SLC29A4: variants seen among roughly 807,000 people sequenced by gnomAD.
The protein encoded by SLC29A4 is solute carrier family 29 member 4, also known as equilibrative nucleoside transporter 4.
Under a neutral mutation model 43.9 loss-of-function variants are expected in SLC29A4, and 36 were observed. The ratio of observed to expected loss-of-function variants is 0.82; its 90% CI spans 0.63 to 1.08. The LOEUF is 1.08. Among genes scored for constraint, SLC29A4 ranks in the 50% least tolerant of loss-of-function variants. SLC29A4 has a pLI of 0.00. For synonymous variants in SLC29A4, 491 were observed against 338.0 expected, an observed-to-expected ratio of 1.45 and a Z score of -4.97; for missense variants, 869 against 755.3, an observed-to-expected ratio of 1.15 and a Z score of -1.77.
intron 7 of SLC29A4, 148 bp from the exon 8 acceptor site, chr7:5,298,840 G>GT (rs2128091631): frequency 1.2e-6 from 1 of 804,436 alleles, no homozygotes; most frequent in South Asian, 1.8e-5. Flanking sequence ...CCTTGATAAA[G>GT]TGGAGGAGGG....
intron 1 of SLC29A4, among the ~76,000 whole-genome samples, chr7:5,287,207 G>T (rs553133729): frequency 6.6e-6 from 1 of 152,314 alleles, no homozygotes; most frequent in South Asian, 2.1e-4. Flanking sequence ...AGGAGTTGGA[G>T]TTGGAGACCA....
Position 5,303,886 on chromosome 7 carries a change from G to A in SLC29A4, c.*947G>A, listed in dbSNP as rs1313263744. 1 of 152,236 alleles carries A rather than the reference G, an allele frequency of 6.6e-6. No individual in the cohort carries two copies. Among genetic ancestry groups the A allele is most frequent in the African/African-American group, 2.4e-5 (1 of 41,446 alleles). 9.4% of individuals were successfully genotyped at this position (152,236 alleles called of 1,614,324 possible). A position where few individuals can be genotyped will look rare whatever the true frequency, so the allele number is the denominator to read the frequency against. On this transcript the variant is annotated 3_prime_UTR_variant, in exon 11 of 11. Coordinates refer to ENST00000396872, the MANE Select transcript of SLC29A4 (RefSeq NM_153247.4). ...CCGTGTGGGTGGCACCCTGAGGTCA[G>A]GGGATCCTAAGGGTGTCCTTCCAGA...
At position 5,302,811 on chromosome 7, in the gene SLC29A4, G is replaced by A. The variant is rs780981173; in HGVS notation, c.1465G>A (p.Val489Met). The A allele has an allele frequency of 1.2e-5, 18 of 1,562,098 alleles. No homozygotes were observed. Among genetic ancestry groups the A allele is most frequent in the Admixed American group, 3.8e-5 (2 of 52,608 alleles). ...QRELAGNTMTVSYMSGLTLGS... is the reference protein window; with the variant it reads ...QRELAGNTMTMSYMSGLTLGS... Reference sequence around the variant, plus strand: ...GTTGTCCACAGGGAACACCATGACCGTGTCCTACATGTCAGGGCTGACGCT... The same window carrying A: ...GTTGTCCACAGGGAACACCATGACCATGTCCTACATGTCAGGGCTGACGCT... Residue 489 changes from valine (V) to methionine (M), a missense_variant, in exon 11 of 11, where the codon GTG becomes ATG. Coordinates refer to ENST00000396872, the MANE Select transcript of SLC29A4 (RefSeq NM_153247.4).
At chr7:5,285,599 G>T (rs1369512423) in intron 1 of SLC29A4, among the ~76,000 whole-genome samples, 1 of 152,216 alleles carries the variant, frequency 6.6e-6, no homozygotes, top group Non-Finnish European at 1.5e-5. Flanking sequence ...CTTGGTAACT[G>T]ATCATGAAAA....
In SLC29A4 at chr7:5,304,001, C is replaced by T. The variant is rs777312375; in HGVS notation, c.*1062C>T. On this transcript the variant is annotated 3_prime_UTR_variant, in exon 11 of 11. Coordinates refer to ENST00000396872, the MANE Select transcript of SLC29A4 (RefSeq NM_153247.4). ...TGTTTCACCCCTGCTGTGTCCCATC[C>T]CCCGTCTGTCCACTAACTGTACCGC... is the stretch of plus-strand genomic sequence containing the variant. 5.9e-5 allele frequency: 9 copies of T among 152,360 alleles called. No individual in the cohort carries two copies. Among genetic ancestry groups the T allele is most frequent in the Non-Finnish European group, 1.2e-4 (8 of 68,118 alleles). 9.4% of individuals were successfully genotyped at this position (152,360 alleles called of 1,614,324 possible).
Position 5,290,883 on chromosome 7 carries a change from C to A in SLC29A4, c.301+20C>A, listed in dbSNP as rs755975895. The A allele has an allele frequency of 1.3e-6, 2 of 1,594,288 alleles. No homozygotes were observed. The highest frequency in any genetic ancestry group is 1.7e-6 in the Non-Finnish European group (2 of 1,168,022). ...ACCCAGGTGGGTCCCTCCACGGTCA[C>A]GCCCAGCCACTCAGCATCCTCCATC... On this transcript the variant is annotated intron_variant, in intron 3 of 10. Coordinates refer to ENST00000396872, the MANE Select transcript of SLC29A4 (RefSeq NM_153247.4).
chr7:5,302,712 G>T (rs1562458260), intron 10 of SLC29A4, 85 bp from the exon 11 acceptor site: 7 of 1,379,352 alleles, frequency 5.1e-6, no homozygotes, highest in Non-Finnish European at 6.9e-6. Context: ...GTTCAGGCGG[G>T]TGTCACCGCA....
At chr7:5,300,920 G>A (rs375134888) in intron 10 of SLC29A4, among the ~76,000 whole-genome samples, 7 of 152,314 alleles carry the variant, frequency 4.6e-5, no homozygotes, top group Middle Eastern at 3.4e-3. Flanking sequence ...ACACAGTGGC[G>A]ACAAAACGGC....
At chr7:5,291,867 A>G (rs762256446) in intron 5 of SLC29A4, 46 bp downstream of exon 5, 1 of 1,574,752 alleles carries the variant, frequency 6.4e-7, no homozygotes, top group Non-Finnish European at 8.6e-7. Context: ...CCCACTTCCG[A>G]CCCCATCCCA....
At chr7:5,298,039 T>C (rs1045826824) in intron 7 of SLC29A4, among the ~76,000 whole-genome samples, 1 of 151,840 alleles carries the variant, frequency 6.6e-6, no homozygotes, top group East Asian at 1.9e-4. Flanking sequence ...ACCTGCAGGG[T>C]GAGGTCAGGA....
At chr7:5,299,166 C>CCAGGCAGGGGGTGGGGGAGG (rs765925608) in intron 8 of SLC29A4, 40 bp downstream of exon 8, 3 of 1,599,912 alleles carry the variant, frequency 1.9e-6, no homozygotes, top group Middle Eastern at 1.7e-4. Context: ...GCTCTGGCAC[C>CCAGGCAGGGGGTGGGGGAGG]CAGGCAGGGG....
intron 5 of SLC29A4, 99 bp from the exon 6 acceptor site, chr7:5,294,761 T>A: frequency 8.1e-7 from 1 of 1,237,854 alleles, no homozygotes; most frequent in Admixed American, 1.7e-5. Flanking sequence ...AACGGCTGTT[T>A]ACGCACCCTC....
chr7:5,295,457 C>T (rs1785588658), intron 6 of SLC29A4, among the ~76,000 whole-genome samples: 1 of 152,154 alleles, frequency 6.6e-6, no homozygotes, highest in South Asian at 2.1e-4. Context: ...CAAATGGCAC[C>T]CCTTTGCTCA....
At position 5,288,441 on chromosome 7, in the gene SLC29A4, A is replaced by C. The variant is rs187235531; in HGVS notation, c.169+456A>C. Among the ~76,000 whole-genome samples, 1,079 of 150,224 alleles carry C rather than the reference A, an allele frequency of 7.2e-3. 14 individuals are homozygous for C. Among genetic ancestry groups the C allele is most frequent in the African/African-American group, 0.025 (1,008 of 40,720 alleles). On this transcript the variant is annotated intron_variant, in intron 2 of 10. Transcript: ENST00000396872. Reference sequence around the variant, plus strand: ...TGCCTCAGCCTCCCAAGTAGCTGGGACGGCAGGTGCCTGCCACCGTGCCCA... The same window carrying C: ...TGCCTCAGCCTCCCAAGTAGCTGGGCCGGCAGGTGCCTGCCACCGTGCCCA...
intron 2 of SLC29A4, among the ~76,000 whole-genome samples, chr7:5,290,467 G>T (rs1583655320): frequency 6.6e-6 from 1 of 152,226 alleles, no homozygotes; most frequent in Non-Finnish European, 1.5e-5. Flanking sequence ...AGAGTGCTGG[G>T]ATTACAGACG....
chr7:5,292,349 A>G (rs1462892707), intron 5 of SLC29A4, among the ~76,000 whole-genome samples: 1 of 152,120 alleles, frequency 6.6e-6, no homozygotes, highest in African/African-American at 2.4e-5. Context: ...CTTAGCCCCA[A>G]GCAATCCTCC....
In SLC29A4 at chr7:5,296,928, C is replaced by T. The variant is rs1323065522; in HGVS notation, c.620-8C>T. 5 of 1,578,294 alleles carry T rather than the reference C, an allele frequency of 3.2e-6. No individual in the cohort carries two copies. The highest frequency in any genetic ancestry group is 1.3e-5 in the African/African-American group (1 of 74,104). ...ATCAGGCCCCGGCCCACTGTGCACG[C>T]CCCCCAGGCACGGCGGGCGTGATGA... is the stretch of plus-strand genomic sequence containing the variant. On this transcript the variant is annotated splice_polypyrimidine_tract_variant and splice_region_variant and intron_variant, in intron 6 of 10. Transcript: ENST00000396872.
Position 5,296,950 on chromosome 7 carries a change from A to G in SLC29A4, c.634A>G (p.Met212Val). 3 of 1,565,054 alleles carry G rather than the reference A, an allele frequency of 1.9e-6. No homozygotes were observed. Among genetic ancestry groups the G allele is most frequent in the South Asian group, 1.1e-5 (1 of 88,924 alleles). The change falls in exon 7 of 11, where the codon ATG becomes GTG. Residue 212 changes from methionine (M) to valine (V), a missense_variant. Coordinates refer to ENST00000396872, the MANE Select transcript of SLC29A4 (RefSeq NM_153247.4). The stretch of plus-strand genomic sequence containing the variant: ...ACGCCCCCCAGGCACGGCGGGCGTG[A>G]TGATCTCTCTGAGCCGCATCCTCAC... ...VMTGESTAGVMISLSRILTKL... is the reference protein window; with the variant it reads ...VMTGESTAGVVISLSRILTKL...
intron 3 of SLC29A4, 114 bp from the exon 4 acceptor site, chr7:5,291,010 G>A (rs1434563168): frequency 1.4e-5 from 21 of 1,522,296 alleles, no homozygotes; most frequent in Non-Finnish European, 1.9e-5. Flanking sequence ...GTGACCTCAG[G>A]GCAGCCACTC....
Sources: gnomAD v4.1 joint callset for allele counts (sites outside exome capture counted in the v4.1 genomes callset) on GRCh38, gnomAD v4.1.1 for gene constraint, MANE v1.5 for transcripts, NCBI Gene and HGNC (gene_info 2026-07-23, HGNC 2026-07-21) for gene names.